The following NPRL3 variants were observed in gnomAD, a reference collection of about 807,000 sequenced individuals.
NPRL3 encodes the protein GATOR1 complex protein NPRL3.
A neutral mutation model predicts 57.2 loss-of-function variants in NPRL3; 23 were observed. The ratio of observed to expected loss-of-function variants is 0.40; its 90% confidence interval spans 0.29 to 0.57. NPRL3 has a LOEUF of 0.57. Among genes scored for constraint, NPRL3 ranks in the 20% least tolerant of loss-of-function variants. NPRL3 has a pLI of 0.42. For synonymous variants in NPRL3, 333 were observed against 321.1 expected (o/e 1.04, Z -0.39); for missense variants, 691 against 767.1 (o/e 0.90, Z 1.17).
intron 7 of NPRL3, among the ~76,000 whole-genome samples, chr16:104,727 C>T (rs1031766673): frequency 2.6e-5 from 4 of 152,186 alleles, no homozygotes; most frequent in African/African-American, 9.7e-5. Flanking sequence ...TGAACTAACC[C>T]AGCTCCCTAG....
At chr16:92,545 C>G (rs1898804221) in intron 11 of NPRL3, 51 bp downstream of exon 11, 1 of 1,589,134 alleles carries the variant, frequency 6.3e-7, no homozygotes, top group Non-Finnish European at 8.6e-7. Context: ...CAGGTAGTGC[C>G]TATCCACTAC....
At chr16:89,671 G>A (rs1334388208) in intron 12 of NPRL3, 42 bp downstream of exon 12, 1 of 1,453,296 alleles carries the variant, frequency 6.9e-7, no homozygotes, top group East Asian at 2.6e-5. Context: ...CCACCCCCAA[G>A]CGTCTCCCCT....
intron 11 of NPRL3, 59 bp downstream of exon 11, chr16:92,537 G>A: frequency 1.9e-6 from 3 of 1,573,352 alleles, no homozygotes; most frequent in African/African-American, 1.3e-5. Context: ...CAGCCAGGCA[G>A]GTAGTGCCTA....
At chr16:130,161 T>C (rs1228547288) in intron 3 of NPRL3, among the ~76,000 whole-genome samples, 1 of 152,142 alleles carries the variant, frequency 6.6e-6, no homozygotes, top group African/African-American at 2.4e-5. Flanking sequence ...AGCACCTGCA[T>C]TTGACCTCTG....
rs758973771 is a variant in NPRL3, at chr16:85,922, G to A, written c.*783C>T. 17 of 991,676 alleles carry A rather than the reference G, an allele frequency of 1.7e-5. No homozygotes were observed. In the South Asian group the frequency reaches 2.5e-4, roughly 15 times the overall value. 61.4% of individuals were successfully genotyped at this position (991,676 alleles called of 1,614,324 possible). Reference sequence around the variant, plus strand: ...GCTCTTCCTCCAGGACACGAGAGCTGGGGGCCTGAGTACGTAGCGCCAGGC... The same window carrying A: ...GCTCTTCCTCCAGGACACGAGAGCTAGGGGCCTGAGTACGTAGCGCCAGGC... On this transcript the variant is annotated 3_prime_UTR_variant, in exon 14 of 14. Coordinates refer to ENST00000611875, the MANE Select transcript of NPRL3 (RefSeq NM_001077350.3).
At chr16:131,912 T>G (rs1243386066) in intron 2 of NPRL3, among the ~76,000 whole-genome samples, 1 of 152,200 alleles carries the variant, frequency 6.6e-6, no homozygotes, top group Non-Finnish European at 1.5e-5. Flanking sequence ...TCAACTAAGT[T>G]TATATAATAT....
At chr16:127,704 G>C (rs1271364365) in intron 3 of NPRL3, among the ~76,000 whole-genome samples, 1 of 151,100 alleles carries the variant, frequency 6.6e-6, no homozygotes, top group Non-Finnish European at 1.5e-5. Flanking sequence ...GCCCAGGCTG[G>C]AGTGCAGTGG....
At chr16:111,537 C>G (rs1375715926) in intron 6 of NPRL3, among the ~76,000 whole-genome samples, 2 of 152,038 alleles carry the variant, frequency 1.3e-5, no homozygotes, top group Non-Finnish European at 2.9e-5. Context: ...CAACCTCCAC[C>G]TCCCAAGGCT....
At chr16:103,176 C>G (rs1899372398) in intron 7 of NPRL3, among the ~76,000 whole-genome samples, 1 of 151,742 alleles carries the variant, frequency 6.6e-6, no homozygotes, top group Non-Finnish European at 1.5e-5. Flanking sequence ...CAAGGTCTCA[C>G]TGTTGCTCAG....
At chr16:105,205 T>C (rs1048549888) in intron 7 of NPRL3, among the ~76,000 whole-genome samples, 4 of 152,202 alleles carry the variant, frequency 2.6e-5, no homozygotes, top group Admixed American at 1.3e-4. Context: ...CAAAAGGGAA[T>C]GGCTGGCTTC....
chr16:98,947 AAAAC>A (rs1219522208), intron 8 of NPRL3, among the ~76,000 whole-genome samples: 1 of 152,162 alleles, frequency 6.6e-6, no homozygotes, highest in Non-Finnish European at 1.5e-5. Flanking sequence ...AAAAACAACA[AAAAC>A]AAAACCTGCA....
At chr16:114,394 A>T (rs1899942330) in intron 5 of NPRL3, among the ~76,000 whole-genome samples, 1 of 152,190 alleles carries the variant, frequency 6.6e-6, no homozygotes, top group South Asian at 2.1e-4. Flanking sequence ...ACCATACACG[A>T]CATAAAGTGG....
chr16:99,899 A>C (rs756485380), intron 8 of NPRL3, among the ~76,000 whole-genome samples: 5 of 147,780 alleles, frequency 3.4e-5, no homozygotes, highest in Non-Finnish European at 7.4e-5. Context: ...CACTACTGAA[A>C]TCCAGCCTGG....
chr16:137,164 G>A (rs894461999), intron 2 of NPRL3, among the ~76,000 whole-genome samples: 4 of 151,982 alleles, frequency 2.6e-5, no homozygotes, highest in African/African-American at 7.2e-5. Flanking sequence ...AGGCTGCAGT[G>A]AGCCGAGATC....
chr16:111,856 G>A (rs1252963869), intron 6 of NPRL3, among the ~76,000 whole-genome samples: 1 of 152,108 alleles, frequency 6.6e-6, no homozygotes, highest in African/African-American at 2.4e-5. Flanking sequence ...CAACAACTAG[G>A]TCTGACTTTA....
intron 9 of NPRL3, 41 bp downstream of exon 9, chr16:98,104 G>A (rs569165571): frequency 6.3e-7 from 1 of 1,597,122 alleles, no homozygotes; most frequent in Admixed American, 1.7e-5. Context: ...TGATGCCCCA[G>A]CACCGCCACA....
chr16:98,664 G>C (rs1899135637), intron 8 of NPRL3, among the ~76,000 whole-genome samples: 1 of 152,260 alleles, frequency 6.6e-6, no homozygotes, highest in Admixed American at 6.5e-5. Flanking sequence ...AATCTGCCAA[G>C]GACTGGCTCA....
At chr16:100,267 A>G in intron 8 of NPRL3, 105 bp downstream of exon 8, 1 of 1,245,390 alleles carries the variant, frequency 8.0e-7, no homozygotes, top group South Asian at 2.0e-5. Context: ...CGCAGTGGGA[A>G]GAAGAAAAAG....
chr16:103,636 A>G (rs1259432073), intron 7 of NPRL3, among the ~76,000 whole-genome samples: 4 of 152,154 alleles, frequency 2.6e-5, no homozygotes, highest in African/African-American at 9.6e-5. Flanking sequence ...AGGGAAGAAA[A>G]TAACTTGGCT....
Sources: allele counts gnomAD v4.1 joint callset (sites outside exome capture counted in the v4.1 genomes callset), GRCh38; gene constraint gnomAD v4.1.1; transcripts MANE v1.5; gene names NCBI Gene and HGNC (gene_info 2026-07-23, HGNC 2026-07-21).